OTUD7A: variants seen among roughly 807,000 people sequenced by gnomAD.
OTUD7A encodes OTU domain-containing protein 7A.
A neutral mutation model predicts 65.7 loss-of-function variants in OTUD7A; 12 were observed. That is an observed-to-expected ratio of 0.18 (90% CI 0.12 to 0.30). The LOEUF (loss-of-function observed/expected upper bound fraction) is 0.30, where lower values mean the gene tolerates loss of function less well. Ranked by LOEUF, OTUD7A falls within the 10% of genes least tolerant of loss-of-function variation. The probability of loss-of-function intolerance (pLI) is 1.00; values close to 1 mark genes in which losing one functional copy is unlikely to be tolerated. For missense variants in OTUD7A, 1,148 were observed against 1,304.8 expected (o/e 0.88, Z 1.85); for synonymous variants, 641 against 586.3 (o/e 1.09, Z -1.35).
chr15:31,764,459 G>A (rs572290898), intron 1 of OTUD7A, among the ~76,000 whole-genome samples: 1 of 152,048 alleles, frequency 6.6e-6, no homozygotes, highest in Non-Finnish European at 1.5e-5. Flanking sequence ...TACACTTAAG[G>A]AATAGATATG....
intron 1 of OTUD7A, among the ~76,000 whole-genome samples, chr15:31,853,983 A>G (rs1408551598): frequency 6.6e-6 from 1 of 152,220 alleles, no homozygotes; most frequent in African/African-American, 2.4e-5. Context: ...CTTTATAAAA[A>G]TATTTCCCAT....
At chr15:31,771,436 G>A (rs1567014332) in intron 1 of OTUD7A, among the ~76,000 whole-genome samples, 1 of 152,228 alleles carries the variant, frequency 6.6e-6, no homozygotes, top group Admixed American at 6.5e-5. Flanking sequence ...CAACATTTAC[G>A]TGATTGCTTA....
intron 8 of OTUD7A, among the ~76,000 whole-genome samples, chr15:31,507,380 T>C (rs2041593282): frequency 6.6e-6 from 1 of 152,148 alleles, no homozygotes. Context: ...TGTGGAAGTT[T>C]AACTTTGCTC....
intron 3 of OTUD7A, among the ~76,000 whole-genome samples, chr15:31,592,081 T>C (rs1889742579): frequency 6.6e-6 from 1 of 152,176 alleles, no homozygotes; most frequent in Admixed American, 6.5e-5. Flanking sequence ...TGAATGGAGC[T>C]TACAGGACTG....
rs1239618416 is a variant in OTUD7A at position 31,541,373 on chromosome 15, T to C, written c.551-10565A>G. On this transcript the variant is annotated intron_variant, in intron 5 of 12. Coordinates refer to ENST00000307050, the MANE Select transcript of OTUD7A (RefSeq NM_001382637.1). ...ACAAACCCTCATTGATTTTTACTTTTGTTAGTTACTCTATGCTTATTTATT... is the reference window on the plus strand; with the variant it reads ...ACAAACCCTCATTGATTTTTACTTTCGTTAGTTACTCTATGCTTATTTATT... Among the ~76,000 whole-genome samples, 8 of 152,334 alleles carry C rather than the reference T, an allele frequency of 5.3e-5. No homozygotes were observed. In the East Asian group the frequency reaches 1.5e-3, roughly 29 times the overall value.
intron 10 of OTUD7A, 96 bp downstream of exon 10, chr15:31,501,594 T>A (rs1368360799): frequency 7.3e-6 from 11 of 1,504,222 alleles, no homozygotes; most frequent in African/African-American, 1.4e-5. Flanking sequence ...TAAGGGGGGG[T>A]CTCCACAATC....
At chr15:31,757,946 A>T (rs928254645) in intron 1 of OTUD7A, among the ~76,000 whole-genome samples, 1 of 152,204 alleles carries the variant, frequency 6.6e-6, no homozygotes, top group African/African-American at 2.4e-5. Context: ...ACCCCAAAAC[A>T]ACGGCCAGAT....
intron 3 of OTUD7A, among the ~76,000 whole-genome samples, chr15:31,614,204 C>T (rs1315663498): frequency 6.6e-6 from 1 of 152,024 alleles, no homozygotes; most frequent in Non-Finnish European, 1.5e-5. Context: ...CAGTGTATTA[C>T]TGCTCAGGTG....
intron 1 of OTUD7A, among the ~76,000 whole-genome samples, chr15:31,819,689 G>A (rs1896632156): frequency 6.6e-6 from 1 of 151,660 alleles, no homozygotes; most frequent in African/African-American, 2.4e-5. Context: ...AAACATATAT[G>A]CTTATATACT....
intron 1 of OTUD7A, among the ~76,000 whole-genome samples, chr15:31,813,837 C>A (rs1044406834): frequency 6.6e-6 from 1 of 152,196 alleles, no homozygotes; most frequent in African/African-American, 2.4e-5. Context: ...CCAATTCCTG[C>A]CTCCGCAGTG....
At chr15:31,716,665 C>T (rs1164585496) in intron 1 of OTUD7A, among the ~76,000 whole-genome samples, 1 of 139,756 alleles carries the variant, frequency 7.2e-6, no homozygotes, top group African/African-American at 2.5e-5. Context: ...GTGGGGAATG[C>T]TGCATGGAAC....
rs398026753 is a variant in OTUD7A, at chr15:31,564,387, G to GTTTTTTTTTTTTTTTTTTTT, written c.332-5201_332-5200insAAAAAAAAAAAAAAAAAAAA. ...TTTTTGGAAGTAGTCTTTGAGGAAG[G>GTTTTTTTTTTTTTTTTTTTT]TTTTTTTTTTTTTAGCAAAAGAGAA... On this transcript the variant is annotated intron_variant, in intron 4 of 12. Coordinates refer to ENST00000307050, the MANE Select transcript of OTUD7A (RefSeq NM_001382637.1). Among the ~76,000 whole-genome samples, 110 of 119,858 alleles carry GTTTTTTTTTTTTTTTTTTTT rather than the reference G, an allele frequency of 9.2e-4. 4 individuals are homozygous for GTTTTTTTTTTTTTTTTTTTT. Among genetic ancestry groups the GTTTTTTTTTTTTTTTTTTTT allele is most frequent in the African/African-American group, 2.5e-3 (88 of 34,978 alleles). The allele number at this position is 119,858 out of a possible 152,430, so 78.6% of individuals were successfully genotyped here.
At chr15:31,553,233 G>A (rs1044720515) in intron 5 of OTUD7A, among the ~76,000 whole-genome samples, 3 of 152,130 alleles carry the variant, frequency 2.0e-5, no homozygotes, top group Non-Finnish European at 4.4e-5. Context: ...TCCCAGGCCC[G>A]CACATTCCCA....
At chr15:31,802,986 C>T (rs779854231) in intron 1 of OTUD7A, among the ~76,000 whole-genome samples, 12 of 152,150 alleles carry the variant, frequency 7.9e-5, no homozygotes, top group Non-Finnish European at 1.5e-4. Flanking sequence ...GGCCTCTAGG[C>T]GCCTCTAAGT....
intron 1 of OTUD7A, among the ~76,000 whole-genome samples, chr15:31,778,745 C>T (rs1895457613): frequency 6.6e-6 from 1 of 151,570 alleles, no homozygotes; most frequent in Non-Finnish European, 1.5e-5. Flanking sequence ...CTCTCTCACA[C>T]ACACACACAC....
intron 1 of OTUD7A, among the ~76,000 whole-genome samples, chr15:31,758,325 G>A (rs1894870318): frequency 1.3e-5 from 2 of 152,066 alleles, no homozygotes; most frequent in African/African-American, 2.4e-5. Flanking sequence ...TGTGGTCATC[G>A]CCCTCTGGGC....
In OTUD7A at chr15:31,481,971, C is replaced by T. The variant is rs1442881355; in HGVS notation, c.*1323G>A. On this transcript the variant is annotated 3_prime_UTR_variant, in exon 13 of 13. Transcript: ENST00000307050. ...GTGAGGATTTTACCCATCTTATCCTCATTTCTTGGAAACAAGCTCGTTCCT... is the reference window on the plus strand; with the variant it reads ...GTGAGGATTTTACCCATCTTATCCTTATTTCTTGGAAACAAGCTCGTTCCT... 1 of 152,206 alleles carries T rather than the reference C, an allele frequency of 6.6e-6. No individual in the cohort carries two copies. The highest frequency in any genetic ancestry group is 1.5e-5 in the Non-Finnish European group (1 of 68,042). The allele number at this position is 152,206 out of a possible 1,614,324, so 9.4% of individuals were successfully genotyped here.
At chr15:31,806,343 C>T (rs1896269941) in intron 1 of OTUD7A, among the ~76,000 whole-genome samples, 1 of 152,186 alleles carries the variant, frequency 6.6e-6, no homozygotes, top group Non-Finnish European at 1.5e-5. Flanking sequence ...ATGAGAGATT[C>T]CTCATGAATC....
intron 7 of OTUD7A, 124 bp from the exon 8 acceptor site, chr15:31,526,585 C>A: frequency 1.5e-6 from 1 of 647,698 alleles, no homozygotes; most frequent in South Asian, 2.3e-5. Flanking sequence ...AGGTAGCTAC[C>A]AACTATACCA....
Sources: gnomAD v4.1 joint callset for allele counts (sites outside exome capture counted in the v4.1 genomes callset) on GRCh38, gnomAD v4.1.1 for gene constraint, MANE v1.5 for transcripts, NCBI Gene and HGNC (gene_info 2026-07-23, HGNC 2026-07-21) for gene names.